The following CEP104 variants were observed in gnomAD, a reference collection of about 807,000 sequenced individuals.
The protein encoded by CEP104 is centrosomal protein 104, also known as centrosomal protein of 104 kDa.
CEP104 carries 84 observed loss-of-function variants against 113.3 expected under a neutral mutation model. The ratio of observed to expected loss-of-function variants is 0.74; its 90% CI spans 0.62 to 0.89. The LOEUF (loss-of-function observed/expected upper bound fraction) is 0.89, where lower values mean the gene tolerates loss of function less well. Ranked by LOEUF, CEP104 falls within the 40% of genes least tolerant of loss-of-function variation. The probability of loss-of-function intolerance (pLI) is 0.00; values close to 1 mark genes in which losing one functional copy is unlikely to be tolerated. For missense variants in CEP104, 1,053 were observed against 1,156.6 expected (o/e 0.91, Z 1.30); for synonymous variants, 378 against 421.7 (o/e 0.90, Z 1.27).
rs574831779 is a variant in CEP104 at position 3,826,586 on chromosome 1, C to T, written c.2188+122G>A. ...TGGGAGATGGCTGAGGTGCAGCAGGCGTGCAGTGATACTTGCTGAATGGAC... is the reference window on the plus strand; with the variant it reads ...TGGGAGATGGCTGAGGTGCAGCAGGTGTGCAGTGATACTTGCTGAATGGAC... On this transcript the variant is annotated intron_variant, in intron 16 of 21. Transcript: ENST00000378230. 5.3e-5 allele frequency: 69 copies of T among 1,296,810 alleles called. No individual in the cohort carries two copies. The African/African-American group carries it at 8.5e-4, about 16-fold the overall frequency. The allele number at this position is 1,296,810 out of a possible 1,614,324, so 80.3% of individuals were successfully genotyped here.
intron 20 of CEP104, among the ~76,000 whole-genome samples, chr1:3,817,673 C>A (rs1157882593): frequency 6.6e-6 from 1 of 152,172 alleles, no homozygotes; most frequent in African/African-American, 2.4e-5. Flanking sequence ...CTTCCCCCTC[C>A]CCCGTGGAGG....
chr1:3,837,877 T>C (rs1227705754), intron 8 of CEP104, among the ~76,000 whole-genome samples: 1 of 152,252 alleles, frequency 6.6e-6, no homozygotes, highest in Admixed American at 6.5e-5. Context: ...TGGACCCAAG[T>C]GGACTTTTAT....
rs6702916 is a variant in CEP104 at position 3,816,075 on chromosome 1, T to A, written c.2662+205A>T. The A allele has an allele frequency of 0.6, 318,151 of 534,358 alleles. 97,845 individuals carry two copies. Among genetic ancestry groups the A allele is most frequent in the African/African-American group, 0.86 (44,159 of 51,278 alleles). The allele number at this position is 534,358 out of a possible 1,614,324, so 33.1% of individuals were successfully genotyped here. A position where few individuals can be genotyped will look rare whatever the true frequency, so the allele number is the denominator to read the frequency against. On this transcript the variant is annotated intron_variant, in intron 21 of 21. Coordinates refer to ENST00000378230, the MANE Select transcript of CEP104 (RefSeq NM_014704.4). ...GGAGCCTTCGCACTGCACAGCCAGT[T>A]TGCAGGTGGAGAAGGATTTTGGTCA...
intron 4 of CEP104, 33 bp from the exon 5 acceptor site, chr1:3,845,384 T>G (rs369427965): frequency 6.9e-7 from 1 of 1,446,582 alleles, no homozygotes; most frequent in South Asian, 1.2e-5. Context: ...GAATTAAATA[T>G]ACAATGTTTG....
At chr1:3,838,884 C>T in intron 8 of CEP104, 80 bp downstream of exon 8, 1 of 1,465,490 alleles carries the variant, frequency 6.8e-7, no homozygotes, top group Admixed American at 1.7e-5. Context: ...TCAAAGACAT[C>T]TATCCACTGT....
chr1:3,826,365 C>A lies in CEP104; in HGVS notation c.2255+5G>T. The A allele has an allele frequency of 6.2e-7, 1 of 1,613,654 alleles. No individual in the cohort carries two copies. The highest frequency in any genetic ancestry group is 8.5e-7 in the Non-Finnish European group (1 of 1,179,652). On this transcript the variant is annotated splice_donor_5th_base_variant and intron_variant, in intron 17 of 21. Coordinates refer to ENST00000378230, the MANE Select transcript of CEP104 (RefSeq NM_014704.4). ...GTACAATGGGTGGAAGACAGCGCGA[C>A]TTACTTATCTAGATAGTGCTCATCC...
At chr1:3,833,179 C>T (rs1644250053) in intron 12 of CEP104, among the ~76,000 whole-genome samples, 1 of 151,978 alleles carries the variant, frequency 6.6e-6, no homozygotes, top group Admixed American at 6.6e-5. Context: ...AGGGGTTTCA[C>T]CAGGTTGGCT....
chr1:3,820,058 G>GTT (rs1030430421), intron 20 of CEP104, among the ~76,000 whole-genome samples: 1 of 152,140 alleles, frequency 6.6e-6, no homozygotes, highest in African/African-American at 2.4e-5. Context: ...GAGTGAGTGT[G>GTT]TTTTCTGCTT....
In CEP104 at chr1:3,826,409, G is replaced by A; in HGVS notation, c.2216C>T (p.Ala739Val). The change falls in exon 17 of 22, where the codon GCT becomes GTT. Residue 739 changes from alanine to valine, a missense_variant. Ala to Val is a moderately conservative substitution (Grantham distance 64, BLOSUM62 0). Transcript: ENST00000378230. ...CTCATCCGGGATTCCCAGAGCTTCA[G>A]CAGGGGCTGCTTTCCCTCCTTGAAT... ...QDIQGGKAAPAEALGIPDEHY... is the reference protein window; with the variant it reads ...QDIQGGKAAPVEALGIPDEHY... 6.2e-7 allele frequency: 1 copy of A among 1,613,996 alleles called. No individual in the cohort carries two copies. The highest frequency in any genetic ancestry group is 8.5e-7 in the Non-Finnish European group (1 of 1,179,854).
chr1:3,824,287 T>C (rs1279536808), intron 18 of CEP104, among the ~76,000 whole-genome samples: 1 of 152,148 alleles, frequency 6.6e-6, no homozygotes, highest in Non-Finnish European at 1.5e-5. Flanking sequence ...GGTTTCTCCG[T>C]GTTGGTCAGG....
intron 2 of CEP104, among the ~76,000 whole-genome samples, chr1:3,850,172 C>T (rs1261548910): frequency 1.3e-5 from 2 of 152,126 alleles, no homozygotes. Flanking sequence ...AAGAATGTCC[C>T]CATGATTGAG....
intron 17 of CEP104, among the ~76,000 whole-genome samples, chr1:3,826,082 C>T (rs772092183): frequency 4.6e-5 from 7 of 152,124 alleles, no homozygotes; most frequent in Non-Finnish European, 8.8e-5. Context: ...TGTTAAAGCA[C>T]GATAGGAAAG....
intron 2 of CEP104, among the ~76,000 whole-genome samples, chr1:3,849,505 A>G (rs1644572311): frequency 6.6e-6 from 1 of 152,194 alleles, no homozygotes. Context: ...GGCTGTGATT[A>G]CAGGTGTGAG....
chr1:3,843,448 C>A, intron 6 of CEP104: 1 of 458,152 alleles, frequency 2.2e-6, no homozygotes. Context: ...ATGATCTCGG[C>A]TCAAGCGATC....
intron 12 of CEP104, 117 bp downstream of exon 12, chr1:3,833,745 C>A: frequency 2.1e-6 from 2 of 965,012 alleles, no homozygotes; most frequent in Non-Finnish European, 3.1e-6. Context: ...TGGTGAATCC[C>A]TGAGAATAAT....
intron 20 of CEP104, among the ~76,000 whole-genome samples, chr1:3,817,316 C>T (rs531122577): frequency 6.6e-5 from 10 of 152,060 alleles, no homozygotes; most frequent in Non-Finnish European, 1.0e-4. Flanking sequence ...CACTCCAGCC[C>T]GGGCAACAGG....
chr1:3,836,615 T>C lies in CEP104; in HGVS notation c.1197A>G (p.Glu399=). Reference sequence around the variant, plus strand: ...CATCGCTGATGTCTGCATTACTCATTTCCGGCTCCACCACTGCCTCCCCAT... The same window carrying C: ...CATCGCTGATGTCTGCATTACTCATCTCCGGCTCCACCACTGCCTCCCCAT... ...KHYGEAVVEP[E]MSNADISDAR... is the part of the protein sequence containing the mutation. Residue 399 remains glutamate, a synonymous_variant, in exon 10 of 22, where the codon GAA becomes GAG. Coordinates refer to ENST00000378230, the MANE Select transcript of CEP104 (RefSeq NM_014704.4). 1.2e-6 allele frequency: 2 copies of C among 1,613,904 alleles called. No individual in the cohort carries two copies. Among genetic ancestry groups the C allele is most frequent in the Non-Finnish European group, 1.7e-6 (2 of 1,179,996 alleles).
intron 1 of CEP104, chr1:3,855,901 CA>C (rs1286953835): frequency 2.0e-6 from 2 of 985,284 alleles, no homozygotes; most frequent in African/African-American, 3.5e-5. Flanking sequence ...CCTGTTGTCC[CA>C]GGGGCAGCCA....
rs1484319721 is a variant in CEP104 at position 3,852,380 on chromosome 1, C to T, written c.28G>A (p.Val10Ile). Residue 10 changes from valine (V) to isoleucine (I), a missense_variant, in exon 2 of 22, where the codon GTC (valine) becomes ATC (isoleucine). Coordinates refer to ENST00000378230, the MANE Select transcript of CEP104 (RefSeq NM_014704.4). MPHKIGFVV[V>I]SSSGHEDGFS... ...CCGTCTTCGTGTCCAGATGAGCTGA[C>T]GACTACAAATCCAATCTTGTGGGGC... 23 of 1,614,078 alleles carry T rather than the reference C, an allele frequency of 1.4e-5. No homozygotes were observed. Among genetic ancestry groups the T allele is most frequent in the East Asian group, 4.5e-5 (2 of 44,890 alleles).
Sources: gnomAD v4.1 joint callset for allele counts (sites outside exome capture counted in the v4.1 genomes callset) on GRCh38, gnomAD v4.1.1 for gene constraint, MANE v1.5 for transcripts, NCBI Gene and HGNC (gene_info 2026-07-23, HGNC 2026-07-21) for gene names.